The following NKAIN2 variants were observed in gnomAD, a reference collection of about 807,000 sequenced individuals.
NKAIN2 encodes sodium/potassium-transporting ATPase subunit beta-1-interacting protein 2.
Under a neutral mutation model 32.6 loss-of-function variants are expected in NKAIN2, and 14 were observed. That is an observed-to-expected ratio of 0.43 (90% CI 0.28 to 0.67). NKAIN2 has a LOEUF of 0.67. Ranked by LOEUF, NKAIN2 falls within the 30% of genes least tolerant of loss-of-function variation. The pLI is 0.17. For synonymous variants in NKAIN2, 80 were observed against 87.2 expected (o/e 0.92, Z 0.46); for missense variants, 198 against 258.3 (o/e 0.77, Z 1.60).
chr6:124,146,320 A>T (rs1004772508), intron 1 of NKAIN2, among the ~76,000 whole-genome samples: 3 of 152,190 alleles, frequency 2.0e-5, no homozygotes, highest in Admixed American at 6.5e-5. Flanking sequence ...AAAATAATTT[A>T]CTAACTTAGT....
intron 4 of NKAIN2, among the ~76,000 whole-genome samples, chr6:124,721,525 G>A (rs182196381): frequency 6.6e-6 from 1 of 152,252 alleles, no homozygotes; most frequent in African/African-American, 2.4e-5. Context: ...CCCGCTGGCT[G>A]CCAAGTTTTA....
At chr6:124,198,078 C>T (rs1790410088) in intron 1 of NKAIN2, among the ~76,000 whole-genome samples, 1 of 151,952 alleles carries the variant, frequency 6.6e-6, no homozygotes, top group African/African-American at 2.4e-5. Flanking sequence ...TGTTGTACAT[C>T]ACGAGTTTAA....
intron 6 of NKAIN2, among the ~76,000 whole-genome samples, chr6:124,820,510 T>C (rs1781350856): frequency 6.6e-6 from 1 of 152,210 alleles, no homozygotes; most frequent in African/African-American, 2.4e-5. Flanking sequence ...AGTGGTAGAA[T>C]AATGCTTGTG....
rs1158724717 is a variant in NKAIN2 at position 124,805,087 on chromosome 6, G to T, written c.536-13300G>T. Among the ~76,000 whole-genome samples the T allele has an allele frequency of 4.8e-5, 7 of 145,866 alleles. No homozygotes were observed. In the South Asian group the frequency reaches 8.4e-4, roughly 17 times the overall value. On this transcript the variant is annotated intron_variant, in intron 5 of 6. Coordinates refer to ENST00000368417, the MANE Select transcript of NKAIN2 (RefSeq NM_001040214.3). ...GCAGGGCACAGACAAAAAGACAGCA[G>T]TAACCTCTGCAGACTTAAATGTCCC...
At chr6:123,816,918 A>G (rs1256929440) in intron 1 of NKAIN2, among the ~76,000 whole-genome samples, 1 of 152,190 alleles carries the variant, frequency 6.6e-6, no homozygotes, top group Non-Finnish European at 1.5e-5. Flanking sequence ...CTCAGCTGTT[A>G]GAAGAATCAT....
intron 3 of NKAIN2, among the ~76,000 whole-genome samples, chr6:124,474,412 A>C (rs1288370512): frequency 1.3e-5 from 2 of 152,180 alleles, no homozygotes; most frequent in Admixed American, 1.3e-4. Flanking sequence ...CATGCTGTAC[A>C]AGCTTCTTAA....
At chr6:124,114,397 G>A (rs1329518061) in intron 1 of NKAIN2, among the ~76,000 whole-genome samples, 5 of 151,982 alleles carry the variant, frequency 3.3e-5, no homozygotes, top group African/African-American at 1.2e-4. Context: ...GCAGGTGGGG[G>A]CAGGAAAAGG....
intron 4 of NKAIN2, among the ~76,000 whole-genome samples, chr6:124,710,890 T>A (rs1194644609): frequency 6.6e-6 from 1 of 151,600 alleles, no homozygotes; most frequent in East Asian, 1.9e-4. Flanking sequence ...TAGCTGCTTA[T>A]TTTGCTCGTT....
intron 1 of NKAIN2, among the ~76,000 whole-genome samples, chr6:123,982,746 AT>A (rs1184611142): frequency 1.3e-5 from 2 of 152,194 alleles, no homozygotes; most frequent in Admixed American, 1.3e-4. Context: ...CAAGATAACA[AT>A]TTTGAGATGA....
At position 123,850,489 on chromosome 6, in the gene NKAIN2, C is replaced by T. The variant is rs115371663; in HGVS notation, c.54+46235C>T. On this transcript the variant is annotated intron_variant, in intron 1 of 6. Coordinates refer to ENST00000368417, the MANE Select transcript of NKAIN2 (RefSeq NM_001040214.3). ...AGAATTGAGGCAATGAGTAATCCAA[C>T]GACATTTTATCTATGTTCTTGTGGG... is the stretch of plus-strand genomic sequence containing the variant. Among the ~76,000 whole-genome samples, 1,144 of 151,952 alleles carry T rather than the reference C, an allele frequency of 7.5e-3. 13 individuals are homozygous for T. Among genetic ancestry groups the T allele is most frequent in the African/African-American group, 0.026 (1,082 of 41,448 alleles).
intron 4 of NKAIN2, among the ~76,000 whole-genome samples, chr6:124,692,588 G>A (rs1774310291): frequency 6.6e-6 from 1 of 152,096 alleles, no homozygotes; most frequent in Non-Finnish European, 1.5e-5. Context: ...AGCCTGAGGT[G>A]GGTGGATCAC....
At chr6:124,021,183 G>C (rs1003100853) in intron 1 of NKAIN2, among the ~76,000 whole-genome samples, 3 of 152,092 alleles carry the variant, frequency 2.0e-5, no homozygotes, top group East Asian at 3.9e-4. Context: ...ATTATGTTAT[G>C]ACTAAACAAG....
chr6:124,623,640 A>G (rs1412832081), intron 3 of NKAIN2, among the ~76,000 whole-genome samples: 1 of 152,254 alleles, frequency 6.6e-6, no homozygotes, highest in African/African-American at 2.4e-5. Flanking sequence ...TGTTAAGAAC[A>G]TAGCTTGGTT....
intron 4 of NKAIN2, among the ~76,000 whole-genome samples, chr6:124,666,566 AGTGT>A (rs1291970655): frequency 2.0e-5 from 3 of 152,170 alleles, no homozygotes; most frequent in Non-Finnish European, 4.4e-5. Flanking sequence ...TCCCCTTTGG[AGTGT>A]AACACCTTGA....
intron 3 of NKAIN2, among the ~76,000 whole-genome samples, chr6:124,360,597 C>A (rs1799244580): frequency 6.6e-6 from 1 of 151,550 alleles, no homozygotes; most frequent in African/African-American, 2.4e-5. Context: ...TCCACAAAAT[C>A]TAAAGAAAAA....
intron 3 of NKAIN2, among the ~76,000 whole-genome samples, chr6:124,584,175 G>A (rs1781623819): frequency 6.6e-6 from 1 of 152,106 alleles, no homozygotes; most frequent in Admixed American, 6.5e-5. Flanking sequence ...CTTCTGCACT[G>A]CAAAGGAAAC....
chr6:124,227,226 TGTG>T (rs1792166888), intron 1 of NKAIN2, among the ~76,000 whole-genome samples: 1 of 152,108 alleles, frequency 6.6e-6, no homozygotes, highest in African/African-American at 2.4e-5. Context: ...GGGTTTGGAC[TGTG>T]GATTTGTGGA....
In NKAIN2 at chr6:124,810,997, G is replaced by A. The variant is rs1346629261; in HGVS notation, c.536-7390G>A. 2.0e-5 allele frequency among the ~76,000 whole-genome samples: 3 copies of A among 151,492 alleles called. No individual in the cohort carries two copies. The East Asian group carries it at 5.8e-4, about 30-fold the overall frequency. ...CACCTCAAGTTCACACAGTCAGCTTGAATTCCTGCCACCAACTAGAGCTTA... is the reference window on the plus strand; with the variant it reads ...CACCTCAAGTTCACACAGTCAGCTTAAATTCCTGCCACCAACTAGAGCTTA... On this transcript the variant is annotated intron_variant, in intron 5 of 6. Coordinates refer to ENST00000368417, the MANE Select transcript of NKAIN2 (RefSeq NM_001040214.3).
intron 2 of NKAIN2, among the ~76,000 whole-genome samples, chr6:124,336,674 T>TG (rs1554283903): frequency 8.4e-4 from 125 of 148,602 alleles, no homozygotes; most frequent in African/African-American, 3.0e-3. Context: ...GTTTGTTTTT[T>TG]TTTGTTTGTT....
Sources: allele counts gnomAD v4.1 joint callset (sites outside exome capture counted in the v4.1 genomes callset), GRCh38; gene constraint gnomAD v4.1.1; transcripts MANE v1.5; gene names NCBI Gene and HGNC (gene_info 2026-07-23, HGNC 2026-07-21).